The following CEP104 variants were observed in gnomAD, a reference collection of about 807,000 sequenced individuals.
CEP104 encodes centrosomal protein 104, also known as centrosomal protein of 104 kDa.
A neutral mutation model predicts 113.3 loss-of-function variants in CEP104; 84 were observed. The ratio of observed to expected loss-of-function variants is 0.74; its 90% CI spans 0.62 to 0.89. The LOEUF (loss-of-function observed/expected upper bound fraction) is 0.89. Ranked by LOEUF, CEP104 falls within the 40% of genes least tolerant of loss-of-function variation. The pLI is 0.00. For missense variants in CEP104, 1,053 were observed against 1,156.6 expected (o/e 0.91, Z 1.30); for synonymous variants, 378 against 421.7 (o/e 0.90, Z 1.27).
chr1:3,838,481 G>C (rs1466504117), intron 8 of CEP104, among the ~76,000 whole-genome samples: 3 of 152,130 alleles, frequency 2.0e-5, no homozygotes, highest in Admixed American at 6.5e-5. Context: ...TCACTATTCC[G>C]TATCTCAGAA....
intron 6 of CEP104, chr1:3,843,325 TA>T (rs60718273): frequency 0.099 from 37,098 of 376,062 alleles, 32 homozygotes; most frequent in South Asian, 0.15. Flanking sequence ...CTTACACTGC[TA>T]AAAAAAAAAA....
At position 3,814,105 on chromosome 1, in the gene CEP104, A is replaced by G. The variant is rs1643837140; in HGVS notation, c.*1297T>C. 1 of 152,202 alleles carries G rather than the reference A, an allele frequency of 6.6e-6. No individual in the cohort carries two copies. The allele number at this position is 152,202 out of a possible 1,614,324, so 9.4% of individuals were successfully genotyped here. The stretch of plus-strand genomic sequence containing the variant: ...TTATACACTAATTGCATTAATGCAA[A>G]CTCCATCAACCCAAACCTTTCTAAC... On this transcript the variant is annotated 3_prime_UTR_variant, in exon 22 of 22. Coordinates refer to ENST00000378230, the MANE Select transcript of CEP104 (RefSeq NM_014704.4).
intron 4 of CEP104, 99 bp downstream of exon 4, chr1:3,847,376 A>G: frequency 8.4e-7 from 1 of 1,192,262 alleles, no homozygotes; most frequent in Non-Finnish European, 1.2e-6. Flanking sequence ...CCTCTCTTAT[A>G]AGATCACCTT....
rs757474794 is a variant in CEP104, at chr1:3,831,127, C to CAAA, written c.1754_1755insTTT (p.Met585delinsIleLeu). Reference sequence around the variant, plus strand: ...GCCGGGCCAGGAGGCCCATCTGACTCATTGCCAGGTGAACTGAAGAGTTTG... The same window carrying CAAA: ...GCCGGGCCAGGAGGCCCATCTGACTCAAAATTGCCAGGTGAACTGAAGAGTTTG... On this transcript the variant is annotated protein_altering_variant, in exon 13 of 22. Coordinates refer to ENST00000378230, the MANE Select transcript of CEP104 (RefSeq NM_014704.4). 9.3e-6 allele frequency: 15 copies of CAAA among 1,614,236 alleles called. No individual in the cohort carries two copies. The highest frequency in any genetic ancestry group is 1.2e-5 in the Non-Finnish European group (14 of 1,180,040).
At chr1:3,843,341 G>C in intron 6 of CEP104, 1 of 494,488 alleles carries the variant, frequency 2.0e-6, no homozygotes, top group Non-Finnish European at 3.7e-6. Flanking sequence ...AAAAAAAAAA[G>C]AGGAAGCGGC....
At chr1:3,831,020 G>A in intron 13 of CEP104, 26 bp downstream of exon 13, 1 of 1,604,664 alleles carries the variant, frequency 6.2e-7, no homozygotes, top group South Asian at 1.1e-5. Flanking sequence ...GGGCCGCGTG[G>A]TGTGTCACAC....
In CEP104 at chr1:3,846,185, T is replaced by A. The variant is rs562489169; in HGVS notation, c.427-834A>T. Among the ~76,000 whole-genome samples the A allele has an allele frequency of 4.6e-5, 7 of 152,052 alleles. 1 individual carries two copies. The South Asian group carries it at 6.2e-4, about 14-fold the overall frequency. On this transcript the variant is annotated intron_variant, in intron 4 of 21. Transcript: ENST00000378230. ...TGAGACATCCACGTGAGATTCAGTA[T>A]GGAGCTCATCTTTGAAGGATCTTGG...
intron 7 of CEP104, among the ~76,000 whole-genome samples, chr1:3,839,370 A>G (rs961441493): frequency 3.9e-5 from 6 of 152,158 alleles, no homozygotes; most frequent in Non-Finnish European, 8.8e-5. Context: ...TCAGGGTCCT[A>G]GTAACGAGGT....
At position 3,832,477 on chromosome 1, in the gene CEP104, TGTA is replaced by T. The variant is rs1557672666; in HGVS notation, c.1660-1258_1660-1256del. Among the ~76,000 whole-genome samples, 180 of 140,060 alleles carry T rather than the reference TGTA, an allele frequency of 1.3e-3. 5 individuals are homozygous for T. In the South Asian group the frequency reaches 0.017, roughly 13 times the overall value. 91.9% of individuals were successfully genotyped at this position (140,060 alleles called of 152,430 possible). The stretch of plus-strand genomic sequence containing the variant: ...GTGTAGCGTAGGTCGTGACCAGGAG[TGTA>T]GCGTAGGTCGTGACCAGGAGTGTAG... On this transcript the variant is annotated intron_variant, in intron 12 of 21. Transcript: ENST00000378230.
At chr1:3,855,616 G>A (rs772876182) in intron 1 of CEP104, among the ~76,000 whole-genome samples, 27 of 152,228 alleles carry the variant, frequency 1.8e-4, no homozygotes, top group Middle Eastern at 3.4e-3. Context: ...CCAGCTAAGA[G>A]AAATGCACAG....
At chr1:3,840,132 C>T (rs1644387595) in intron 6 of CEP104, among the ~76,000 whole-genome samples, 1 of 152,166 alleles carries the variant, frequency 6.6e-6, no homozygotes, top group African/African-American at 2.4e-5. Flanking sequence ...AGGAGAAAAA[C>T]AAAAACAAAG....
In CEP104 at chr1:3,823,713, GC is replaced by G; in HGVS notation, c.2365-152del. 1 of 893,330 alleles carries G rather than the reference GC, an allele frequency of 1.1e-6. No individual in the cohort carries two copies. Among genetic ancestry groups the G allele is most frequent in the East Asian group, 2.5e-5 (1 of 39,922 alleles). 55.3% of individuals were successfully genotyped at this position (893,330 alleles called of 1,614,324 possible). A position where few individuals can be genotyped will look rare whatever the true frequency, so the allele number is the denominator to read the frequency against. The stretch of plus-strand genomic sequence containing the variant: ...CCACAGGCTTCTATCTTCGGCATTT[GC>G]CCACAGACTGTCTGGAGTCACTTGT... On this transcript the variant is annotated intron_variant, in intron 18 of 21. Transcript: ENST00000378230. This position sits in a 1 kb window ranked among gnomAD's most constrained non-coding sequence, Gnocchi z 4.1.
chr1:3,844,902 C>T lies in CEP104; in HGVS notation c.566+5G>A. 6.2e-7 allele frequency: 1 copy of T among 1,611,648 alleles called. No homozygotes were observed. On this transcript the variant is annotated splice_donor_5th_base_variant and intron_variant, in intron 6 of 21. Transcript: ENST00000378230. ...AAGTTCATTGATGGGGAGCAGGACT[C>T]TTACCTGGCGTACGTTCCTTCTAGA...
chr1:3,850,732 G>A (rs1055185717), intron 2 of CEP104, among the ~76,000 whole-genome samples: 17 of 152,202 alleles, frequency 1.1e-4, no homozygotes, highest in Non-Finnish European at 2.5e-4. Context: ...GCCAAACCCA[G>A]TGGGAGTCTG....
chr1:3,855,209 C>T (rs560848683), intron 1 of CEP104, among the ~76,000 whole-genome samples: 13 of 142,596 alleles, frequency 9.1e-5, no homozygotes, highest in South Asian at 2.3e-4. Flanking sequence ...TACAGGTTCT[C>T]GCTCTGTTGC....
chr1:3,815,440 G>A lies in CEP104; in HGVS notation c.2740C>T (p.Leu914=), dbSNP rs1643865973. ...TACGTCCTGCTGGAGCTCTTGCTCA[G>A]TCCGCCCTTCGGGGTGGGGATCTTG... ...GSKIPTPKGG[L]SKSSSRTYAK... The change falls in exon 22 of 22, where the codon CTG becomes TTG. Residue 914 remains leucine, a synonymous_variant. Transcript: ENST00000378230. 1.9e-6 allele frequency: 3 copies of A among 1,613,298 alleles called. No homozygotes were observed. In the East Asian group the frequency reaches 6.7e-5, roughly 36 times the overall value.
In CEP104 at chr1:3,815,348, G is replaced by A. The variant is rs1455007999; in HGVS notation, c.*54C>T. 2 of 1,327,214 alleles carry A rather than the reference G, an allele frequency of 1.5e-6. No homozygotes were observed. Among genetic ancestry groups the A allele is most frequent in the Non-Finnish European group, 2.1e-6 (2 of 947,742 alleles). The allele number at this position is 1,327,214 out of a possible 1,614,324, so 82.2% of individuals were successfully genotyped here. A position where few individuals can be genotyped will look rare whatever the true frequency, so the allele number is the denominator to read the frequency against. On this transcript the variant is annotated 3_prime_UTR_variant, in exon 22 of 22. Transcript: ENST00000378230. ...CAGAGAGTTCTGGAGAGATGGTGTA[G>A]AATCAGGAGACCCGCTCCATCCCTC...
intron 1 of CEP104, among the ~76,000 whole-genome samples, chr1:3,854,764 C>A (rs927979712): frequency 1.3e-5 from 2 of 151,608 alleles, no homozygotes; most frequent in Non-Finnish European, 2.9e-5. Flanking sequence ...CAGGCATAAG[C>A]CACCATGCCA....
intron 15 of CEP104, 107 bp downstream of exon 15, chr1:3,829,159 C>T (rs1644150084): frequency 2.6e-6 from 2 of 758,994 alleles, no homozygotes; most frequent in Middle Eastern, 2.5e-4. Flanking sequence ...AATCAAGACG[C>T]TCATTTGCAT....
Sources: gnomAD v4.1 joint callset for allele counts (sites outside exome capture counted in the v4.1 genomes callset) on GRCh38, gnomAD v4.1.1 for gene constraint, Gnocchi (gnomAD v3.1) non-coding constraint, MANE v1.5 for transcripts, NCBI Gene and HGNC (gene_info 2026-07-23, HGNC 2026-07-21) for gene names.